The following ZNF34 variants were observed in gnomAD, a reference collection of about 807,000 sequenced individuals.
The protein encoded by ZNF34 is zinc finger protein 34.
ZNF34 carries 8 observed loss-of-function variants against 14.4 expected under a neutral mutation model. The observed-to-expected ratio is 0.55, with a 90% CI of 0.33 to 1.00. The LOEUF (loss-of-function observed/expected upper bound fraction) is 1.00. Among genes scored for constraint, ZNF34 ranks in the 50% least tolerant of loss-of-function variants. The pLI is 0.03. For synonymous variants in ZNF34, 235 were observed against 247.9 expected, an observed-to-expected ratio of 0.95 and a Z score of 0.49; for missense variants, 538 against 674.2, an observed-to-expected ratio of 0.80 and a Z score of 2.24.
intron 5 of ZNF34, among the ~76,000 whole-genome samples, chr8:144,775,945 GAAGAC>G (rs1825486560): frequency 6.6e-6 from 1 of 152,218 alleles, no homozygotes; most frequent in Non-Finnish European, 1.5e-5. Context: ...CACTTGCACT[GAAGAC>G]ATGACTGAGA....
intron 1 of ZNF34, among the ~76,000 whole-genome samples, chr8:144,782,842 C>CAAAAGAAAAAAAAAAAAAAAAAAAAAA (rs1825973607): frequency 4.4e-5 from 1 of 22,966 alleles, no homozygotes; most frequent in Non-Finnish European, 6.4e-5. Flanking sequence ...AAGCCTATCT[C>CAAAAGAAAAAAAAAAAAAAAAAAAAAA]AAAAAAAAAA....
intron 1 of ZNF34, among the ~76,000 whole-genome samples, chr8:144,783,004 A>C (rs1056411982): frequency 6.6e-6 from 1 of 152,052 alleles, no homozygotes; most frequent in South Asian, 2.1e-4. Flanking sequence ...TAGATTAAAA[A>C]AAAAGAGCAA....
chr8:144,780,527 C>T (rs1238216126), intron 1 of ZNF34, among the ~76,000 whole-genome samples: 2 of 152,252 alleles, frequency 1.3e-5, no homozygotes, highest in African/African-American at 4.8e-5. Flanking sequence ...GTGGCTCACG[C>T]CTGCAATCCC....
At chr8:144,783,958 G>A (rs1826059813) in intron 1 of ZNF34, among the ~76,000 whole-genome samples, 1 of 151,834 alleles carries the variant, frequency 6.6e-6, no homozygotes, top group Non-Finnish European at 1.5e-5. Flanking sequence ...AGGTCAGATC[G>A]AGACCATCCT....
At chr8:144,785,916 G>A (rs1272946000) in intron 1 of ZNF34, among the ~76,000 whole-genome samples, 1 of 151,452 alleles carries the variant, frequency 6.6e-6, no homozygotes, top group Non-Finnish European at 1.5e-5. Context: ...AGGAGATAGA[G>A]CACAGTTATA....
intron 2 of ZNF34, among the ~76,000 whole-genome samples, chr8:144,780,026 C>A (rs1402724602): frequency 2.1e-3 from 208 of 101,386 alleles, no homozygotes; most frequent in Non-Finnish European, 2.4e-3. Context: ...TTAATGCTAC[C>A]AAAAAAAAAA....
chr8:144,774,607 T>C lies in ZNF34; in HGVS notation c.281-2A>G. 1 of 1,602,740 alleles carries C rather than the reference T, an allele frequency of 6.2e-7. No homozygotes were observed. Among genetic ancestry groups the C allele is most frequent in the East Asian group, 2.2e-5 (1 of 44,758 alleles). ...TGTACTCAGTTCTGGTCCCAAGAGC[T>C]GAAACAAAAAACAGAACATCTAAGG... On this transcript the variant is annotated splice_acceptor_variant, in intron 5 of 5. Coordinates refer to ENST00000429371, the MANE Select transcript of ZNF34 (RefSeq NM_001286769.2). LOFTEE classifies it high-confidence loss of function.
Position 144,778,103 on chromosome 8 carries a change from C to T in ZNF34, c.95G>A (p.Gly32Asp). 1.2e-6 allele frequency: 2 copies of T among 1,614,004 alleles called. No homozygotes were observed. Among genetic ancestry groups the T allele is most frequent in the South Asian group, 1.1e-5 (1 of 91,084 alleles). Residue 32 changes from glycine to aspartate, a missense_variant, in exon 4 of 6, where the codon GGC becomes GAC. Transcript: ENST00000429371. ...YLSREEWGRL[G>D]PAQRGLYRDV... ...CCTGTAGAGGCCCCTCTGAGCAGGG[C>T]CCAGGCGGCCCCATTCCTCCCGGGA...
Position 144,773,088 on chromosome 8 carries a change from A to T in ZNF34, c.*178T>A. On this transcript the variant is annotated 3_prime_UTR_variant, in exon 6 of 6. Transcript: ENST00000429371. The surrounding 1 kb of genome is among the most constrained non-coding windows in gnomAD (Gnocchi z 5.4). ...CTTTTTTGCCCACTTTTCTGTCTCA[A>T]TTTCTCTAAAATGAACATGCACTGC... 1 of 682,808 alleles carries T rather than the reference A, an allele frequency of 1.5e-6. No homozygotes were observed. The highest frequency in any genetic ancestry group is 2.2e-6 in the Non-Finnish European group (1 of 454,668). The allele number at this position is 682,808 out of a possible 1,614,324, so 42.3% of individuals were successfully genotyped here. A position where few individuals can be genotyped will look rare whatever the true frequency, so the allele number is the denominator to read the frequency against.
Position 144,777,499 on chromosome 8 carries a change from T to C in ZNF34, c.239A>G (p.Gln80Arg), listed in dbSNP as rs1027705984. The change falls in exon 5 of 6, where the codon CAG becomes CGG. Residue 80 changes from glutamine to arginine, a missense_variant. This residue lies in a region of ZNF34 where 431 missense variants were observed against 525.7 expected (regional missense o/e 0.82). Transcript: ENST00000429371. This position sits in a 1 kb window ranked among gnomAD's most constrained non-coding sequence, Gnocchi z 4.8. ...CAGGTGCTCTTTCCCAGAGGTGCCC[T>C]GAACATCCAGGACCCAGGGCTCATC... ...RGDEPWVLDV[Q>R]GTSGKEHLRV... is the part of the protein sequence containing the mutation. 17 of 1,553,238 alleles carry C rather than the reference T, an allele frequency of 1.1e-5. No homozygotes were observed. The highest frequency in any genetic ancestry group is 2.7e-5 in the African/African-American group (2 of 73,096).
intron 1 of ZNF34, among the ~76,000 whole-genome samples, chr8:144,780,648 GC>G (rs1200193004): frequency 6.6e-6 from 1 of 152,046 alleles, no homozygotes; most frequent in Non-Finnish European, 1.5e-5. Flanking sequence ...AATTAGCCGG[GC>G]GTGGTGGCGG....
At chr8:144,775,336 T>C (rs1825438844) in intron 5 of ZNF34, among the ~76,000 whole-genome samples, 2 of 152,192 alleles carry the variant, frequency 1.3e-5, no homozygotes, top group South Asian at 2.1e-4. Flanking sequence ...TATCTAAAGC[T>C]GATCTATGAA....
chr8:144,772,293 G>A lies in ZNF34; in HGVS notation c.*973C>T, dbSNP rs1366379839. Among the ~76,000 whole-genome samples the A allele has an allele frequency of 6.6e-6, 1 of 152,090 alleles. No individual in the cohort carries two copies. The highest frequency in any genetic ancestry group is 1.5e-5 in the Non-Finnish European group (1 of 68,014). ...CAAAGAGACAGAAAATAGAATTGAG[G>A]TTACCAGCAGTAGGGAGAAGGGGGA... is the stretch of plus-strand genomic sequence containing the variant. On this transcript the variant is annotated 3_prime_UTR_variant, in exon 6 of 6. Transcript: ENST00000429371.
At chr8:144,780,817 A>G (rs1415752571) in intron 1 of ZNF34, among the ~76,000 whole-genome samples, 1 of 150,914 alleles carries the variant, frequency 6.6e-6, no homozygotes. Context: ...AGAAAGCGAA[A>G]ATCACTAATA....
At position 144,778,150 on chromosome 8, in the gene ZNF34, G is replaced by A. The variant is rs200323832; in HGVS notation, c.48C>T (p.Phe16=). The part of the protein sequence containing the change: ...LSAPPQAEVT[F]EDVAVYLSRE... The stretch of plus-strand genomic sequence containing the variant: ...GGGAGAGGTACACAGCCACGTCCTC[G>A]AAGGTCACCTCGGCCTGGAATGACA... The change falls in exon 4 of 6, where the codon TTC becomes TTT. Residue 16 remains phenylalanine, a synonymous_variant. Coordinates refer to ENST00000429371, the MANE Select transcript of ZNF34 (RefSeq NM_001286769.2). The A allele has an allele frequency of 3.7e-5, 60 of 1,613,096 alleles. No homozygotes were observed. Among genetic ancestry groups the A allele is most frequent in the African/African-American group, 1.9e-4 (14 of 74,912 alleles).
Position 144,777,400 on chromosome 8 carries a change from G to A in ZNF34, c.280+58C>T. ...TCCTGATTCATTAATCAGACACCCT[G>A]GACCCCAATAAAGGCTCGTTCGGTG... On this transcript the variant is annotated intron_variant, in intron 5 of 5. Coordinates refer to ENST00000429371, the MANE Select transcript of ZNF34 (RefSeq NM_001286769.2). The surrounding 1 kb of genome is among the most constrained non-coding windows in gnomAD (Gnocchi z 4.8). 1.3e-6 allele frequency: 2 copies of A among 1,537,688 alleles called. No homozygotes were observed. Among genetic ancestry groups the A allele is most frequent in the Non-Finnish European group, 1.8e-6 (2 of 1,138,982 alleles).
rs556311919 is a variant in ZNF34 at position 144,773,256 on chromosome 8, C to T, written c.*10G>A. 22 of 1,588,082 alleles carry T rather than the reference C, an allele frequency of 1.4e-5. No homozygotes were observed. Among genetic ancestry groups the T allele is most frequent in the South Asian group, 6.9e-5 (6 of 86,926 alleles). Reference sequence around the variant, plus strand: ...TCAGCTGGACTCTGCCCTCGGACACCGCGCCACTGTTACATGGAGAAGTCC... The same window carrying T: ...TCAGCTGGACTCTGCCCTCGGACACTGCGCCACTGTTACATGGAGAAGTCC... On this transcript the variant is annotated 3_prime_UTR_variant, in exon 6 of 6. Transcript: ENST00000429371. This position sits in a 1 kb window ranked among gnomAD's most constrained non-coding sequence, Gnocchi z 5.4.
chr8:144,786,917 A>G (rs1826281281), intron 1 of ZNF34, among the ~76,000 whole-genome samples: 1 of 151,790 alleles, frequency 6.6e-6, no homozygotes, highest in African/African-American at 2.4e-5. Context: ...CGTGGGAGGG[A>G]GCCGGGATGG....
chr8:144,775,702 G>A (rs950616919), intron 5 of ZNF34, among the ~76,000 whole-genome samples: 13 of 152,232 alleles, frequency 8.5e-5, no homozygotes, highest in Admixed American at 5.2e-4. Flanking sequence ...TGGCAGAGGA[G>A]AGCCAGGGAG....
Sources: gnomAD v4.1 joint callset for allele counts (sites outside exome capture counted in the v4.1 genomes callset) on GRCh38, gnomAD v4.1.1 for gene constraint, gnomAD v4.1.1 regional missense constraint, Gnocchi (gnomAD v3.1) non-coding constraint, MANE v1.5 for transcripts, NCBI Gene and HGNC (gene_info 2026-07-23, HGNC 2026-07-21) for gene names.